The following PARVB variants were observed in gnomAD, a reference collection of about 807,000 sequenced individuals.
PARVB encodes the protein parvin beta, also known as beta-parvin.
Under a neutral mutation model 47.0 loss-of-function variants are expected in PARVB, and 46 were observed. The ratio of observed to expected loss-of-function variants is 0.98; its 90% CI spans 0.77 to 1.25. PARVB has a LOEUF of 1.25. PARVB is among the 50% of genes most tolerant of loss of function. The pLI is 0.00. For missense variants in PARVB, 473 were observed against 471.6 expected (o/e 1.00, Z -0.03); for synonymous variants, 196 against 196.3 (o/e 1.00, Z 0.01).
chr22:44,133,029 C>A lies in PARVB; in HGVS notation c.633+20C>A. 1 of 1,561,374 alleles carries A rather than the reference C, an allele frequency of 6.4e-7. No individual in the cohort carries two copies. Among genetic ancestry groups the A allele is most frequent in the Non-Finnish European group, 8.8e-7 (1 of 1,140,232 alleles). The stretch of plus-strand genomic sequence containing the variant: ...GTGCGGGTGAGTATAACCGAGTGGT[C>A]GGCCTGCCTGTAACTCCGCCAGAGA... On this transcript the variant is annotated intron_variant, in intron 6 of 12. Transcript: ENST00000338758.
At chr22:44,075,827 G>A (rs1215695030) in intron 1 of PARVB, among the ~76,000 whole-genome samples, 3 of 152,232 alleles carry the variant, frequency 2.0e-5, no homozygotes, top group African/African-American at 7.2e-5. Context: ...GGATCCATTT[G>A]TTCCCTGTTT....
At chr22:44,101,415 A>G (rs2052443228) in intron 3 of PARVB, among the ~76,000 whole-genome samples, 1 of 141,224 alleles carries the variant, frequency 7.1e-6, no homozygotes, top group Non-Finnish European at 1.5e-5. Context: ...CTCAAAAAAA[A>G]ATAAAAAATA....
At chr22:44,058,472 G>A (rs537073786) in intron 1 of PARVB, among the ~76,000 whole-genome samples, 31 of 151,636 alleles carry the variant, frequency 2.0e-4, no homozygotes, top group Non-Finnish European at 3.7e-4. Flanking sequence ...GACCTCATCC[G>A]AACTTGATTA....
In PARVB at chr22:44,140,123, G is replaced by A; in HGVS notation, c.693-1G>A. On this transcript the variant is annotated splice_acceptor_variant, in intron 7 of 12. Coordinates refer to ENST00000338758, the MANE Select transcript of PARVB (RefSeq NM_013327.5). LOFTEE classifies it high-confidence loss of function. ...GGCTCTCTCTGTGTTCTTGTTTGCA[G>A]GATGATGATGGGCCGGTTCGGTAAG... 6.3e-7 allele frequency: 1 copy of A among 1,592,202 alleles called. No homozygotes were observed. Among genetic ancestry groups the A allele is most frequent in the South Asian group, 1.1e-5 (1 of 90,308 alleles).
At chr22:44,063,936 G>A (rs749668367) in intron 1 of PARVB, among the ~76,000 whole-genome samples, 3 of 152,316 alleles carry the variant, frequency 2.0e-5, no homozygotes, top group South Asian at 2.1e-4. Context: ...TCCCATTCTC[G>A]GGGCCAGGTG....
intron 1 of PARVB, among the ~76,000 whole-genome samples, chr22:44,091,632 T>G (rs956169809): frequency 2.6e-5 from 4 of 152,230 alleles, no homozygotes; most frequent in African/African-American, 9.6e-5. Context: ...GGTTCACCCA[T>G]GCGGTAGCCT....
At chr22:44,025,914 G>T (rs1190982192) in intron 1 of PARVB, among the ~76,000 whole-genome samples, 7 of 152,202 alleles carry the variant, frequency 4.6e-5, no homozygotes, top group Non-Finnish European at 7.3e-5. Flanking sequence ...CGGGGGCGGG[G>T]TGCTTGCTTT....
At chr22:44,147,694 C>A in intron 8 of PARVB, 167 bp from the exon 9 acceptor site, 1 of 765,268 alleles carries the variant, frequency 1.3e-6, no homozygotes, top group Non-Finnish European at 2.4e-6. Context: ...CGGGACTGAT[C>A]ATCAGGGTCA....
intron 7 of PARVB, chr22:44,139,810 A>G (rs757440931): frequency 2.7e-6 from 1 of 364,404 alleles, no homozygotes. Context: ...TGAAATCTTC[A>G]TATTAACCAC....
At chr22:44,042,907 C>G (rs2051045113) in intron 1 of PARVB, among the ~76,000 whole-genome samples, 1 of 152,106 alleles carries the variant, frequency 6.6e-6, no homozygotes, top group Non-Finnish European at 1.5e-5. Flanking sequence ...CTGGCTTGAT[C>G]AGAACCAGAG....
chr22:44,065,964 A>G (rs2051515028), intron 1 of PARVB, among the ~76,000 whole-genome samples: 1 of 152,258 alleles, frequency 6.6e-6, no homozygotes, highest in Admixed American at 6.5e-5. Flanking sequence ...TTGTGGTGCT[A>G]TAAACGTGTG....
intron 9 of PARVB, chr22:44,150,493 G>C (rs929542120): frequency 6.6e-6 from 1 of 151,954 alleles, no homozygotes; most frequent in Admixed American, 6.6e-5. Flanking sequence ...TCAGCATGGG[G>C]AAACTCCATT....
At chr22:44,042,533 C>G (rs908291041) in intron 1 of PARVB, among the ~76,000 whole-genome samples, 1 of 152,216 alleles carries the variant, frequency 6.6e-6, no homozygotes, top group East Asian at 1.9e-4. Context: ...ACACGCCACC[C>G]TGGGAACTGG....
intron 3 of PARVB, among the ~76,000 whole-genome samples, chr22:44,100,588 G>A (rs989318616): frequency 2.6e-5 from 4 of 152,100 alleles, no homozygotes; most frequent in African/African-American, 9.7e-5. Flanking sequence ...TTTCCACCAC[G>A]TCTGGAGGCG....
chr22:44,130,897 T>G (rs1022384226), intron 4 of PARVB, among the ~76,000 whole-genome samples: 5 of 152,154 alleles, frequency 3.3e-5, no homozygotes, highest in Admixed American at 3.3e-4. Flanking sequence ...GGAAGATTAG[T>G]GACCTGGAAG....
intron 4 of PARVB, among the ~76,000 whole-genome samples, chr22:44,127,863 G>A (rs1205594707): frequency 6.6e-6 from 1 of 151,182 alleles, no homozygotes; most frequent in African/African-American, 2.4e-5. Context: ...ACAGCTCACT[G>A]CAGCCTTGAC....
chr22:44,064,061 C>CA (rs1348193898), intron 1 of PARVB, among the ~76,000 whole-genome samples: 1 of 152,212 alleles, frequency 6.6e-6, no homozygotes, highest in Non-Finnish European at 1.5e-5. Context: ...GCCATGCTGC[C>CA]ATGCAAGGGC....
intron 10 of PARVB, among the ~76,000 whole-genome samples, chr22:44,156,430 C>T (rs1311853004): frequency 6.6e-6 from 1 of 151,996 alleles, no homozygotes; most frequent in Non-Finnish European, 1.5e-5. Context: ...CAGGCATGCA[C>T]CACCACACCC....
chr22:44,101,476 G>A (rs368121586), intron 3 of PARVB, among the ~76,000 whole-genome samples: 31 of 151,936 alleles, frequency 2.0e-4, no homozygotes, highest in African/African-American at 7.0e-4. Flanking sequence ...GAGACCGGGC[G>A]CAGTGGCTCA....
Sources: gnomAD v4.1 joint callset for allele counts (sites outside exome capture counted in the v4.1 genomes callset) on GRCh38, gnomAD v4.1.1 for gene constraint, MANE v1.5 for transcripts, NCBI Gene and HGNC (gene_info 2026-07-23, HGNC 2026-07-21) for gene names.